The following PTK7 variants were observed in gnomAD, a reference collection of about 807,000 sequenced individuals.
The protein encoded by PTK7 is inactive tyrosine-protein kinase 7.
Under a neutral mutation model 116.6 loss-of-function variants are expected in PTK7, and 39 were observed. The observed-to-expected ratio is 0.33, with a 90% CI of 0.26 to 0.44. The LOEUF (loss-of-function observed/expected upper bound fraction) is 0.44. PTK7 is among the 20% of genes least tolerant of loss of function. The pLI, the probability that PTK7 is intolerant of heterozygous loss-of-function variation, is 1.00. For missense variants in PTK7, 1,169 were observed against 1,425.6 expected, an observed-to-expected ratio of 0.82 and a Z score of 2.90; for synonymous variants, 546 against 563.6, an observed-to-expected ratio of 0.97 and a Z score of 0.44.
At position 43,131,029 on chromosome 6, in the gene PTK7, T is replaced by A. The variant is rs113363346; in HGVS notation, c.812+368T>A. On this transcript the variant is annotated intron_variant, in intron 5 of 19. Transcript: ENST00000230419. ...AGCGTGATCCAGTGTGGCAAAGACA[T>A]CACACACACACACACACACACACAC... 8.1e-4 allele frequency among the ~76,000 whole-genome samples: 109 copies of A among 133,836 alleles called. 1 individual carries two copies. The highest frequency in any genetic ancestry group is 2.8e-3 in the African/African-American group (100 of 36,034). 87.8% of individuals were successfully genotyped at this position (133,836 alleles called of 152,430 possible).
At chr6:43,157,365 T>TAAA (rs1554162298) in intron 17 of PTK7, among the ~76,000 whole-genome samples, 15 of 26,894 alleles carry the variant, frequency 5.6e-4, no homozygotes, top group African/African-American at 2.5e-3. Flanking sequence ...TATATATATA[T>TAAA]TTTTTTTTTT....
At chr6:43,142,366 A>G in intron 13 of PTK7, 67 bp downstream of exon 13, 1 of 1,609,734 alleles carries the variant, frequency 6.2e-7, no homozygotes, top group Non-Finnish European at 8.5e-7. Context: ...CCTTGTACTC[A>G]GCCCCTGTGT....
At chr6:43,130,735 G>T in intron 5 of PTK7, 74 bp downstream of exon 5, 1 of 1,539,472 alleles carries the variant, frequency 6.5e-7, no homozygotes, top group South Asian at 1.1e-5. Context: ...GGTGCGATTT[G>T]TATCACAGAC....
At chr6:43,103,863 T>C (rs1767718493) in intron 1 of PTK7, among the ~76,000 whole-genome samples, 1 of 152,200 alleles carries the variant, frequency 6.6e-6, no homozygotes, top group African/African-American at 2.4e-5. Flanking sequence ...GAGTAGATTT[T>C]CCCTAGAAGG....
At chr6:43,088,351 G>T (rs981426153) in intron 1 of PTK7, among the ~76,000 whole-genome samples, 6 of 151,986 alleles carry the variant, frequency 3.9e-5, no homozygotes, top group African/African-American at 1.4e-4. Flanking sequence ...AGTCCCTCCT[G>T]TGCCTTCACT....
At chr6:43,104,962 G>T (rs1429201837) in intron 1 of PTK7, among the ~76,000 whole-genome samples, 1 of 151,660 alleles carries the variant, frequency 6.6e-6, no homozygotes. Context: ...ACAGGTGCCC[G>T]CCACCATGCT....
At chr6:43,155,149 C>G (rs1015113725) in intron 17 of PTK7, among the ~76,000 whole-genome samples, 2 of 152,152 alleles carry the variant, frequency 1.3e-5, no homozygotes, top group African/African-American at 4.8e-5. Flanking sequence ...CTGTTATATT[C>G]CACCAACATC....
At position 43,143,715 on chromosome 6, in the gene PTK7, G is replaced by C; in HGVS notation, c.2251+95G>C. ...GGAGAGCGCCAGCACTCTGGAAACC[G>C]AGCGGCTGTTGCTGGGTCCTGGAGC... On this transcript the variant is annotated intron_variant, in intron 14 of 19. Transcript: ENST00000230419. The surrounding 1 kb of genome is among the most constrained non-coding windows in gnomAD (Gnocchi z 4.2). 7.4e-7 allele frequency: 1 copy of C among 1,347,696 alleles called. No individual in the cohort carries two copies. Among genetic ancestry groups the C allele is most frequent in the Admixed American group, 2.4e-5 (1 of 41,986 alleles). 83.5% of individuals were successfully genotyped at this position (1,347,696 alleles called of 1,614,324 possible).
intron 17 of PTK7, 139 bp from the exon 18 acceptor site, chr6:43,158,678 A>T (rs911639397): frequency 2.3e-6 from 2 of 868,666 alleles, no homozygotes; most frequent in Non-Finnish European, 3.5e-6. Context: ...TTTACAGAGA[A>T]GGAAGCTGAG....
chr6:43,130,258 ACCCC>A lies in PTK7; in HGVS notation c.502_505del (p.Pro168PhefsTer17). On this transcript the variant is annotated frameshift_variant, in exon 4 of 20. Coordinates refer to ENST00000230419, the MANE Select transcript of PTK7 (RefSeq NM_002821.5). LOFTEE classifies it high-confidence loss of function. ...CACCTACCAATGGTTCCGAGATGGG[ACCCC>A]CCTTTCTGATGGTCAGAGCAACCAC... The A allele has an allele frequency of 6.3e-7, 1 of 1,596,858 alleles. No individual in the cohort carries two copies. The highest frequency in any genetic ancestry group is 8.6e-7 in the Non-Finnish European group (1 of 1,168,558).
intron 18 of PTK7, 70 bp downstream of exon 18, chr6:43,159,038 T>A (rs1170895901): frequency 6.3e-7 from 1 of 1,580,676 alleles, no homozygotes; most frequent in African/African-American, 1.3e-5. Context: ...GGACAGATAG[T>A]TTGGGGGGTG....
chr6:43,118,425 T>C (rs991714323), intron 1 of PTK7, among the ~76,000 whole-genome samples: 2 of 151,336 alleles, frequency 1.3e-5, no homozygotes, highest in Non-Finnish European at 2.9e-5. Flanking sequence ...TAATCCCAGC[T>C]ACTTGGGGGC....
At chr6:43,084,009 A>G (rs1766518290) in intron 1 of PTK7, among the ~76,000 whole-genome samples, 1 of 152,232 alleles carries the variant, frequency 6.6e-6, no homozygotes, top group Non-Finnish European at 1.5e-5. Context: ...AGACCTGCCC[A>G]TCAGAATTAT....
In PTK7 at chr6:43,145,576, C is replaced by T; in HGVS notation, c.2640+144C>T. 1.8e-6 allele frequency: 1 copy of T among 557,466 alleles called. No homozygotes were observed. The highest frequency in any genetic ancestry group is 2.9e-6 in the Non-Finnish European group (1 of 340,130). 34.5% of individuals were successfully genotyped at this position (557,466 alleles called of 1,614,324 possible). ...TCACCTGCCTGCTGTTACACTTTGC[C>T]CACCTTATGATGCTCAGCTTCTGCC... On this transcript the variant is annotated intron_variant, in intron 16 of 19. Coordinates refer to ENST00000230419, the MANE Select transcript of PTK7 (RefSeq NM_002821.5). The surrounding 1 kb of genome is among the most constrained non-coding windows in gnomAD (Gnocchi z 4.8).
At chr6:43,136,737 CA>C (rs1374616214) in intron 7 of PTK7, among the ~76,000 whole-genome samples, 16 of 152,278 alleles carry the variant, frequency 1.1e-4, no homozygotes, top group African/African-American at 3.4e-4. Context: ...TTCAGTGGCT[CA>C]CGCTGCAATC....
intron 17 of PTK7, among the ~76,000 whole-genome samples, chr6:43,158,592 A>G (rs1019476327): frequency 6.6e-6 from 1 of 152,194 alleles, no homozygotes; most frequent in African/African-American, 2.4e-5. Flanking sequence ...GTGTGTCAGC[A>G]TGGTGTCAGG....
intron 17 of PTK7, among the ~76,000 whole-genome samples, chr6:43,157,364 A>ATATATATTTTTTTTTTTT (rs70990168): frequency 3.7e-5 from 2 of 54,362 alleles, no homozygotes; most frequent in Non-Finnish European, 3.3e-5. Context: ...ATATATATAT[A>ATATATATTTTTTTTTTTT]TTTTTTTTTT....
intron 1 of PTK7, among the ~76,000 whole-genome samples, chr6:43,089,906 G>A (rs1766854255): frequency 6.6e-6 from 1 of 152,242 alleles, no homozygotes; most frequent in African/African-American, 2.4e-5. Flanking sequence ...GGAAAAACAG[G>A]GTGGGGACCT....
intron 1 of PTK7, among the ~76,000 whole-genome samples, chr6:43,107,872 T>C (rs1767979459): frequency 6.6e-6 from 1 of 152,168 alleles, no homozygotes; most frequent in South Asian, 2.1e-4. Context: ...GGAGACCAAG[T>C]GCGAGATCTG....
Sources: gnomAD v4.1 joint callset for allele counts (sites outside exome capture counted in the v4.1 genomes callset) on GRCh38, gnomAD v4.1.1 for gene constraint, Gnocchi (gnomAD v3.1) non-coding constraint, MANE v1.5 for transcripts, NCBI Gene and HGNC (gene_info 2026-07-23, HGNC 2026-07-21) for gene names.